DGLUCY: variants seen among roughly 807,000 people sequenced by gnomAD.
DGLUCY encodes the protein D-glutamate cyclase.
Under a neutral mutation model 58.5 loss-of-function variants are expected in DGLUCY, and 58 were observed. The observed-to-expected ratio is 0.99, with a 90% CI of 0.80 to 1.23. The LOEUF is 1.23. DGLUCY is among the 50% of genes most tolerant of loss of function. The probability of loss-of-function intolerance (pLI) is 0.00; values close to 1 mark genes in which losing one functional copy is unlikely to be tolerated. For missense variants in DGLUCY, 779 were observed against 784.7 expected (o/e 0.99, Z 0.09); for synonymous variants, 325 against 314.1 (o/e 1.03, Z -0.37).
At chr14:91,210,543 A>G (rs1335399443) in intron 12 of DGLUCY, among the ~76,000 whole-genome samples, 1 of 152,184 alleles carries the variant, frequency 6.6e-6, no homozygotes, top group Admixed American at 6.5e-5. Context: ...AAAAATAAAA[A>G]TAAAATAATT....
At chr14:91,188,431 C>T (rs1053615018) in intron 8 of DGLUCY, among the ~76,000 whole-genome samples, 9 of 152,188 alleles carry the variant, frequency 5.9e-5, no homozygotes, top group Non-Finnish European at 1.2e-4. Context: ...GTAGAATACA[C>T]TGTGGCAAGC....
intron 11 of DGLUCY, 39 bp downstream of exon 11, chr14:91,199,944 C>G (rs774495736): frequency 6.2e-7 from 1 of 1,611,172 alleles, no homozygotes; most frequent in Non-Finnish European, 8.5e-7. Flanking sequence ...AGAACGTGGC[C>G]CCATGAAGTG....
intron 1 of DGLUCY, among the ~76,000 whole-genome samples, chr14:91,074,352 AC>A (rs1208914936): frequency 6.7e-6 from 1 of 149,722 alleles, no homozygotes; most frequent in East Asian, 2.0e-4. Flanking sequence ...GATGGCATGT[AC>A]CTATAGTCCT....
intron 9 of DGLUCY, among the ~76,000 whole-genome samples, chr14:91,193,617 G>C (rs941532501): frequency 5.3e-5 from 8 of 152,186 alleles, no homozygotes; most frequent in Non-Finnish European, 1.2e-4. Flanking sequence ...AAGGCAGGCA[G>C]ATCACCTGAG....
intron 8 of DGLUCY, among the ~76,000 whole-genome samples, chr14:91,186,159 C>G (rs1483556197): frequency 6.6e-6 from 1 of 152,128 alleles, no homozygotes; most frequent in African/African-American, 2.4e-5. Flanking sequence ...CAAGTTCTCA[C>G]TCTCCTCTTC....
chr14:91,223,031 T>C (rs1442991628), intron 13 of DGLUCY, among the ~76,000 whole-genome samples: 1 of 152,178 alleles, frequency 6.6e-6, no homozygotes, highest in African/African-American at 2.4e-5. Context: ...CTCAATCTTA[T>C]TACCTCCCAA....
At chr14:91,168,564 G>A (rs2048404955) in intron 4 of DGLUCY, among the ~76,000 whole-genome samples, 1 of 152,168 alleles carries the variant, frequency 6.6e-6, no homozygotes, top group Admixed American at 6.5e-5. Context: ...CCATCCCCCA[G>A]TGGGCTTTCC....
Position 91,189,065 on chromosome 14 carries a change from G to A in DGLUCY, c.1090G>A (p.Ala364Thr), listed in dbSNP as rs2049703019. 6.2e-7 allele frequency: 1 copy of A among 1,614,138 alleles called. No individual in the cohort carries two copies. The change falls in exon 9 of 14, where the codon GCT (alanine) becomes ACT (threonine). Residue 364 changes from alanine (A) to threonine (T), a missense_variant. Transcript: ENST00000256324. The part of the protein sequence containing the change: ...EETDGPPGAV[A>T]LVAFLQALEK... ...GACAGATGGCCCACCAGGAGCTGTT[G>A]CTCTGGTTGCCTTCCTGCAGGCCTT...
intron 12 of DGLUCY, among the ~76,000 whole-genome samples, chr14:91,206,945 ATAAG>A (rs1304863472): frequency 6.6e-6 from 1 of 152,024 alleles, no homozygotes; most frequent in East Asian, 1.9e-4. Flanking sequence ...GAAAGAATAA[ATAAG>A]AAGTGGTAGA....
intron 8 of DGLUCY, among the ~76,000 whole-genome samples, chr14:91,182,153 G>A (rs1683059843): frequency 6.6e-6 from 1 of 151,816 alleles, no homozygotes; most frequent in Admixed American, 6.6e-5. Context: ...GCTAATTTTT[G>A]TATTTTTAGT....
chr14:91,125,999 C>T (rs1042451487), intron 1 of DGLUCY, among the ~76,000 whole-genome samples: 1 of 152,100 alleles, frequency 6.6e-6, no homozygotes, highest in South Asian at 2.1e-4. Flanking sequence ...GTCATGTGAC[C>T]ATCCTCAACC....
chr14:91,196,436 G>A lies in DGLUCY; in HGVS notation c.1257G>A (p.Gln419=). The change falls in exon 10 of 14, where the codon CAG becomes CAA. Residue 419 remains glutamine, a synonymous_variant. Transcript: ENST00000256324. ...AAGGTGGATCAGTGGAAGCTGCTCAGGCATTCCTGTGCAAAAATGGGGACC... is the reference window on the plus strand; with the variant it reads ...AAGGTGGATCAGTGGAAGCTGCTCAAGCATTCCTGTGCAAAAATGGGGACC... The part of the protein sequence containing the change: ...TYQGGSVEAA[Q]AFLCKNGDPQ... 6.2e-7 allele frequency: 1 copy of A among 1,614,024 alleles called. No homozygotes were observed. Among genetic ancestry groups the A allele is most frequent in the East Asian group, 2.2e-5 (1 of 44,894 alleles).
At chr14:91,167,742 G>A (rs1046297168) in intron 4 of DGLUCY, 1 of 682,522 alleles carries the variant, frequency 1.5e-6, no homozygotes, top group Non-Finnish European at 2.7e-6. Context: ...CAGAGATATT[G>A]TGTCTGTTCT....
upstream of DGLUCY, among the ~76,000 whole-genome samples, chr14:91,112,650 A>G (rs1412680876): frequency 6.6e-6 from 1 of 152,152 alleles, no homozygotes; most frequent in Non-Finnish European, 1.5e-5. Flanking sequence ...AAAAAAGAAA[A>G]AAAAGGAACA....
chr14:91,221,435 CATGGATGGATGGGTG>C (rs888497388), intron 13 of DGLUCY, among the ~76,000 whole-genome samples: 6 of 149,598 alleles, frequency 4.0e-5, no homozygotes, highest in African/African-American at 1.5e-4. Context: ...TGGATGGATG[CATGGATGGATGGGTG>C]ATGGATGTAT....
At chr14:91,166,264 T>G (rs866770397) in intron 3 of DGLUCY, among the ~76,000 whole-genome samples, 5 of 152,206 alleles carry the variant, frequency 3.3e-5, no homozygotes, top group African/African-American at 1.2e-4. Context: ...TTACCTACAC[T>G]TTTTTGAGTG....
At chr14:91,131,206 T>C (rs2046006915) in intron 1 of DGLUCY, among the ~76,000 whole-genome samples, 1 of 152,328 alleles carries the variant, frequency 6.6e-6, no homozygotes, top group East Asian at 1.9e-4. Flanking sequence ...TGTCTTGGCC[T>C]TCCAAAATGC....
intron 10 of DGLUCY, among the ~76,000 whole-genome samples, chr14:91,196,964 CT>C (rs918860169): frequency 2.0e-5 from 3 of 151,944 alleles, no homozygotes; most frequent in South Asian, 2.1e-4. Context: ...TATGGTCAAA[CT>C]TTTTTTCTTT....
intron 1 of DGLUCY, among the ~76,000 whole-genome samples, chr14:91,144,015 C>T (rs927807636): frequency 6.6e-6 from 1 of 152,088 alleles, no homozygotes; most frequent in African/African-American, 2.4e-5. Context: ...TGTGTAAGAT[C>T]TCCTCTTCCA....
Sources: allele counts gnomAD v4.1 joint callset (sites outside exome capture counted in the v4.1 genomes callset), GRCh38; gene constraint gnomAD v4.1.1; transcripts MANE v1.5; gene names NCBI Gene and HGNC (gene_info 2026-07-23, HGNC 2026-07-21).